The following UBAP1 variants were observed in gnomAD, a reference collection of about 807,000 sequenced individuals.
The protein encoded by UBAP1 is ubiquitin-associated protein 1.
Under a neutral mutation model 39.0 loss-of-function variants are expected in UBAP1, and 5 were observed. That is an observed-to-expected ratio of 0.13 (90% CI 0.07 to 0.27). The LOEUF (loss-of-function observed/expected upper bound fraction) is 0.27, where lower values mean the gene tolerates loss of function less well. Ranked by LOEUF, UBAP1 falls within the 10% of genes least tolerant of loss-of-function variation. UBAP1 has a pLI of 1.00. For missense variants in UBAP1, 490 were observed against 608.1 expected (o/e 0.81, Z 2.04); for synonymous variants, 211 against 225.1 (o/e 0.94, Z 0.56).
At chr9:34,226,547 A>G (rs1321598287) in intron 2 of UBAP1, among the ~76,000 whole-genome samples, 1 of 152,104 alleles carries the variant, frequency 6.6e-6, no homozygotes, top group Non-Finnish European at 1.5e-5. Context: ...TTGTTTCTAC[A>G]AAAAATTAAA....
chr9:34,182,673 T>TTCTG (rs1257625137), intron 1 of UBAP1, among the ~76,000 whole-genome samples: 3 of 66,996 alleles, frequency 4.5e-5, no homozygotes, highest in African/African-American at 1.5e-4. Flanking sequence ...CTTTCTTTCT[T>TTCTG]TCTTTCTTTC....
Position 34,241,986 on chromosome 9 carries a change from C to T in UBAP1, c.961C>T (p.Leu321Phe), listed in dbSNP as rs756770238. 1 of 1,614,190 alleles carries T rather than the reference C, an allele frequency of 6.2e-7. No homozygotes were observed. Residue 321 changes from leucine to phenylalanine, a missense_variant, in exon 4 of 7, where the codon CTT becomes TTT. By Grantham distance (22) the Leu-to-Phe change is conservative. This residue lies in a region of UBAP1 where 339 missense variants were observed against 390.0 expected (regional missense o/e 0.87). Coordinates refer to ENST00000297661, the MANE Select transcript of UBAP1 (RefSeq NM_016525.5). Reference sequence around the variant, plus strand: ...GCTCAATGGGCATCACACTCTTGGGCTTTCAGCTTTGAACTTGGACAGTGG... The same window carrying T: ...GCTCAATGGGCATCACACTCTTGGGTTTTCAGCTTTGAACTTGGACAGTGG... The part of the protein sequence containing the change: ...SELNGHHTLG[L>F]SALNLDSGTE...
At chr9:34,242,253 T>C in intron 4 of UBAP1, 145 bp downstream of exon 4, 1 of 822,046 alleles carries the variant, frequency 1.2e-6, no homozygotes, top group Non-Finnish European at 1.9e-6. Flanking sequence ...CGTACCTTAT[T>C]GTAGCCTCGA....
chr9:34,236,324 C>T (rs865936835), intron 3 of UBAP1, among the ~76,000 whole-genome samples: 2 of 152,156 alleles, frequency 1.3e-5, no homozygotes, highest in Middle Eastern at 3.4e-3. Context: ...ATAGCAATAC[C>T]GTATAGCCTA....
At chr9:34,181,507 TCTGCA>T (rs1346105461) in intron 1 of UBAP1, among the ~76,000 whole-genome samples, 5 of 151,288 alleles carry the variant, frequency 3.3e-5, no homozygotes, top group African/African-American at 1.2e-4. Flanking sequence ...ATCTCGGCTC[TCTGCA>T]AGCTCTGCCT....
intron 2 of UBAP1, among the ~76,000 whole-genome samples, chr9:34,226,668 A>G (rs1833124718): frequency 6.6e-6 from 1 of 152,132 alleles, no homozygotes; most frequent in Admixed American, 6.5e-5. Flanking sequence ...ATGATCACAT[A>G]TGCATTAGGT....
chr9:34,180,793 A>C (rs1829972205), intron 1 of UBAP1, among the ~76,000 whole-genome samples: 1 of 132,314 alleles, frequency 7.6e-6, no homozygotes, highest in Non-Finnish European at 1.6e-5. Flanking sequence ...TTGGAAAAAA[A>C]ACTTTTTTTT....
intron 2 of UBAP1, among the ~76,000 whole-genome samples, chr9:34,231,648 T>G (rs867887961): frequency 1.3e-4 from 15 of 117,744 alleles, no homozygotes; most frequent in Admixed American, 4.4e-4. Flanking sequence ...TTTTTTTTTT[T>G]GTTTGTTTGT....
intron 2 of UBAP1, among the ~76,000 whole-genome samples, chr9:34,226,239 T>G (rs1445979025): frequency 6.7e-6 from 1 of 149,044 alleles, no homozygotes. Flanking sequence ...TGTTTTTTTT[T>G]TTTTTTTTGA....
At chr9:34,221,919 C>G (rs1832782202) in intron 2 of UBAP1, among the ~76,000 whole-genome samples, 1 of 151,986 alleles carries the variant, frequency 6.6e-6, no homozygotes. Flanking sequence ...CCAGAAGTAG[C>G]CAAGTAACAC....
At chr9:34,214,205 A>G (rs1832173425) in intron 1 of UBAP1, among the ~76,000 whole-genome samples, 1 of 152,244 alleles carries the variant, frequency 6.6e-6, no homozygotes, top group African/African-American at 2.4e-5. Context: ...AAGAACCTGC[A>G]TAGCCAAAGC....
At chr9:34,210,709 G>A (rs1174344974) in intron 1 of UBAP1, among the ~76,000 whole-genome samples, 1 of 146,122 alleles carries the variant, frequency 6.8e-6, no homozygotes, top group African/African-American at 2.5e-5. Context: ...GACAGAGGGA[G>A]ACTCCATCTT....
At chr9:34,179,560 C>G (rs552395403) in intron 1 of UBAP1, among the ~76,000 whole-genome samples, 1 of 151,840 alleles carries the variant, frequency 6.6e-6, no homozygotes, top group Non-Finnish European at 1.5e-5. Flanking sequence ...TCGGTGGGAA[C>G]TAGAGGATGT....
chr9:34,191,786 C>T, intron 1 of UBAP1: 1 of 153,372 alleles, frequency 6.5e-6, no homozygotes. Context: ...ATAATTTGCG[C>T]CCATGGAAAC....
chr9:34,188,423 CTT>C (rs34942688), intron 1 of UBAP1, among the ~76,000 whole-genome samples: 23,363 of 116,906 alleles, frequency 0.2, 2,586 homozygotes, highest in Non-Finnish European at 0.26. Flanking sequence ...TAGTCTTCAG[CTT>C]TTTTTTTTTT....
intron 1 of UBAP1, among the ~76,000 whole-genome samples, chr9:34,216,515 G>A (rs577736926): frequency 8.6e-5 from 13 of 151,802 alleles, no homozygotes; most frequent in South Asian, 4.2e-4. Flanking sequence ...TTTAGAGCTG[G>A]GGTCTCACTC....
At chr9:34,212,392 A>AACAC (rs35251034) in intron 1 of UBAP1, among the ~76,000 whole-genome samples, 10,113 of 142,106 alleles carry the variant, frequency 0.071, 409 homozygotes, top group East Asian at 0.12. Flanking sequence ...TTTCTATTAA[A>AACAC]ACACACACAC....
At chr9:34,186,920 T>G (rs1830437772) in intron 1 of UBAP1, among the ~76,000 whole-genome samples, 1 of 152,078 alleles carries the variant, frequency 6.6e-6, no homozygotes, top group Non-Finnish European at 1.5e-5. Context: ...TATTTTTTAT[T>G]TTTTGAGATG....
intron 3 of UBAP1, among the ~76,000 whole-genome samples, chr9:34,240,190 C>G (rs75558185): frequency 4.6e-5 from 7 of 152,102 alleles, no homozygotes; most frequent in Non-Finnish European, 1.0e-4. Context: ...GCCCAGTGAT[C>G]CCCCCATATG....
Sources: allele counts gnomAD v4.1 joint callset (sites outside exome capture counted in the v4.1 genomes callset), GRCh38; gene constraint gnomAD v4.1.1; regional missense constraint gnomAD v4.1.1; transcripts MANE v1.5; gene names NCBI Gene and HGNC (gene_info 2026-07-23, HGNC 2026-07-21).